AIDA: variants seen among roughly 807,000 people sequenced by gnomAD.
The protein encoded by AIDA is axin interactor, dorsalization associated, also known as axin interactor, dorsalization-associated protein.
AIDA carries 18 observed loss-of-function variants against 42.7 expected under a neutral mutation model. The observed-to-expected ratio is 0.42, with a 90% CI of 0.29 to 0.63. The LOEUF is 0.63. Ranked by LOEUF, AIDA falls within the 20% of genes least tolerant of loss-of-function variation. The pLI is 0.19. For synonymous variants in AIDA, 104 were observed against 122.9 expected, an observed-to-expected ratio of 0.85 and a Z score of 1.02; for missense variants, 250 against 354.1, an observed-to-expected ratio of 0.71 and a Z score of 2.36.
At position 222,676,236 on chromosome 1, in the gene AIDA, G is replaced by A. The variant is rs2124949656; in HGVS notation, c.461-18C>T. On this transcript the variant is annotated intron_variant, in intron 6 of 9. Transcript: ENST00000340020. ...TAAAGTACCTGGCAACAGAGAAAAA[G>A]CAATAAAAGCTCCATATCATTTCAC... is the stretch of plus-strand genomic sequence containing the variant. 1 of 1,601,652 alleles carries A rather than the reference G, an allele frequency of 6.2e-7. No homozygotes were observed.
At chr1:222,681,934 G>T (rs1664660772) in intron 6 of AIDA, among the ~76,000 whole-genome samples, 1 of 152,180 alleles carries the variant, frequency 6.6e-6, no homozygotes, top group African/African-American at 2.4e-5. Context: ...TGTTCCAAGA[G>T]GAAGCTGATA....
At chr1:222,671,791 CA>C (rs1262147058) in intron 8 of AIDA, among the ~76,000 whole-genome samples, 3 of 152,316 alleles carry the variant, frequency 2.0e-5, no homozygotes, top group African/African-American at 7.2e-5. Flanking sequence ...CACTCAGAGG[CA>C]TTTTGTCATT....
intron 2 of AIDA, among the ~76,000 whole-genome samples, chr1:222,696,957 T>C (rs1655537229): frequency 1.3e-5 from 2 of 152,178 alleles, no homozygotes; most frequent in South Asian, 4.1e-4. Flanking sequence ...TTGTTTTTTT[T>C]TAATATACGG....
At chr1:222,686,506 C>T (rs892257853) in intron 6 of AIDA, among the ~76,000 whole-genome samples, 1 of 152,218 alleles carries the variant, frequency 6.6e-6, no homozygotes, top group African/African-American at 2.4e-5. Context: ...GTGCATTTCA[C>T]ATGTTGTCAC....
At chr1:222,671,702 G>C (rs983307276) in intron 8 of AIDA, among the ~76,000 whole-genome samples, 89 of 152,324 alleles carry the variant, frequency 5.8e-4, no homozygotes, top group African/African-American at 2.0e-3. Flanking sequence ...ACAATAGTTA[G>C]GTTACTGGTA....
chr1:222,698,676 C>T (rs904398582), intron 2 of AIDA, among the ~76,000 whole-genome samples: 4 of 152,024 alleles, frequency 2.6e-5, no homozygotes, highest in Middle Eastern at 3.2e-3. Context: ...GTCTCGAATT[C>T]CAGACCTCAG....
At position 222,675,900 on chromosome 1, in the gene AIDA, A is replaced by G. The variant is rs74329040; in HGVS notation, c.583+196T>C. Among the ~76,000 whole-genome samples the G allele has an allele frequency of 1.5e-3, 225 of 152,344 alleles. 6 individuals are homozygous for G. In the South Asian group the frequency reaches 0.021, roughly 14 times the overall value. On this transcript the variant is annotated intron_variant, in intron 7 of 9. Coordinates refer to ENST00000340020, the MANE Select transcript of AIDA (RefSeq NM_022831.4). ...AACAATGTAAGTTATAAATAAGAAAATAAGTAAATCTCTCAGAAGTGTTCT... is the reference window on the plus strand; with the variant it reads ...AACAATGTAAGTTATAAATAAGAAAGTAAGTAAATCTCTCAGAAGTGTTCT...
At chr1:222,703,766 T>C (rs1270763789) in intron 1 of AIDA, among the ~76,000 whole-genome samples, 1 of 152,180 alleles carries the variant, frequency 6.6e-6, no homozygotes, top group Non-Finnish European at 1.5e-5. Context: ...ACAGAAATCA[T>C]TGTCCAATTA....
At chr1:222,696,176 T>C (rs1204262557) in intron 2 of AIDA, among the ~76,000 whole-genome samples, 1 of 152,272 alleles carries the variant, frequency 6.6e-6, no homozygotes, top group Non-Finnish European at 1.5e-5. Flanking sequence ...ATTACATTTA[T>C]ATGTGGCAAC....
chr1:222,702,086 G>T (rs1007693871), intron 2 of AIDA, among the ~76,000 whole-genome samples: 1 of 151,848 alleles, frequency 6.6e-6, no homozygotes, highest in African/African-American at 2.4e-5. Flanking sequence ...AAATAAAAAA[G>T]TACATTAGAT....
At chr1:222,673,869 A>G (rs1030021382) in intron 7 of AIDA, among the ~76,000 whole-genome samples, 2 of 152,120 alleles carry the variant, frequency 1.3e-5, no homozygotes, top group African/African-American at 2.4e-5. Flanking sequence ...GGATCACTTA[A>G]GGTCAGGAGT....
At chr1:222,684,543 T>G (rs894709737) in intron 6 of AIDA, among the ~76,000 whole-genome samples, 24 of 152,352 alleles carry the variant, frequency 1.6e-4, no homozygotes, top group Non-Finnish European at 2.1e-4. Flanking sequence ...AATGACATTT[T>G]CAATGAATAT....
chr1:222,686,275 G>A (rs1655178254), intron 6 of AIDA, among the ~76,000 whole-genome samples: 1 of 152,210 alleles, frequency 6.6e-6, no homozygotes, highest in Non-Finnish European at 1.5e-5. Context: ...TCAGCCCATG[G>A]CTGGCATCTG....
chr1:222,691,238 G>C (rs1297558648), intron 4 of AIDA, among the ~76,000 whole-genome samples: 1 of 152,154 alleles, frequency 6.6e-6, no homozygotes, highest in Admixed American at 6.5e-5. Context: ...AAGGCTCTGA[G>C]GCAGAAACTA....
chr1:222,706,854 CAAAAAAAAAAAA>C (rs767799244), intron 1 of AIDA, among the ~76,000 whole-genome samples: 2 of 72,100 alleles, frequency 2.8e-5, no homozygotes, highest in Non-Finnish European at 2.9e-5. Context: ...GACTGCGCCT[CAAAAAAAAAAAA>C]AAAAAAAAAA....
chr1:222,701,634 T>C (rs1655708091), intron 2 of AIDA, among the ~76,000 whole-genome samples: 1 of 152,212 alleles, frequency 6.6e-6, no homozygotes, highest in Non-Finnish European at 1.5e-5. Flanking sequence ...ACTGTGGTCA[T>C]TATTTTCCAG....
intron 6 of AIDA, among the ~76,000 whole-genome samples, chr1:222,684,962 G>A (rs1005414602): frequency 3.3e-5 from 5 of 152,036 alleles, no homozygotes; most frequent in African/African-American, 1.2e-4. Flanking sequence ...GTTTGAAACG[G>A]CAATAAAAAT....
At chr1:222,700,269 GA>G in intron 2 of AIDA, among the ~76,000 whole-genome samples, 1 of 152,284 alleles carries the variant, frequency 6.6e-6, no homozygotes, top group South Asian at 2.1e-4. Context: ...AGGCAGGGCA[GA>G]ACACTTCAAA....
intron 2 of AIDA, among the ~76,000 whole-genome samples, chr1:222,699,172 A>G (rs1437227822): frequency 1.3e-5 from 2 of 152,260 alleles, no homozygotes; most frequent in Middle Eastern, 3.4e-3. Flanking sequence ...AAGTTGTGCA[A>G]ACTATTGAAC....
Sources: allele counts gnomAD v4.1 joint callset (sites outside exome capture counted in the v4.1 genomes callset), GRCh38; gene constraint gnomAD v4.1.1; transcripts MANE v1.5; gene names NCBI Gene and HGNC (gene_info 2026-07-23, HGNC 2026-07-21).